Variants in RNASET2 observed in about 807,000 individuals in gnomAD.
RNASET2 encodes ribonuclease T2.
RNASET2 carries 28 observed loss-of-function variants against 33.9 expected under a neutral mutation model. The ratio of observed to expected loss-of-function variants is 0.83; its 90% confidence interval spans 0.61 to 1.13. The LOEUF is 1.13. Ranked by LOEUF, RNASET2 falls within the 50% of genes most tolerant of loss-of-function variation. The pLI is 0.00. For missense variants in RNASET2, 330 were observed against 319.9 expected (o/e 1.03, Z -0.24); for synonymous variants, 123 against 121.0 (o/e 1.02, Z -0.11).
intron 6 of RNASET2, 30 bp from the exon 7 acceptor site, chr6:166,934,166 T>C (rs1562494910): frequency 7.1e-7 from 1 of 1,417,708 alleles, no homozygotes; most frequent in South Asian, 1.1e-5. Context: ...AAGTTAGCTG[T>C]ATAATGAAGG....
At chr6:166,940,709 A>G (rs1427182497) in intron 5 of RNASET2, among the ~76,000 whole-genome samples, 3 of 152,176 alleles carry the variant, frequency 2.0e-5, no homozygotes, top group Non-Finnish European at 4.4e-5. Context: ...CATGGAGCTC[A>G]CAGCATTCAC....
chr6:166,933,902 A>G lies in RNASET2; in HGVS notation c.492+189T>C. 1.6e-6 allele frequency: 1 copy of G among 631,654 alleles called. No homozygotes were observed. The allele number at this position is 631,654 out of a possible 1,614,324, so 39.1% of individuals were successfully genotyped here. The stretch of plus-strand genomic sequence containing the variant: ...GTGCTTCCAAATCACTGGTCTAAGC[A>G]GCCTTCAGCTCCTACTCAACATGCG... On this transcript the variant is annotated intron_variant, in intron 7 of 8. Coordinates refer to ENST00000508775, the MANE Select transcript of RNASET2 (RefSeq NM_003730.6). The surrounding 1 kb of genome is among the most constrained non-coding windows in gnomAD (Gnocchi z 4.1).
chr6:166,952,218 C>T (rs985439429), intron 2 of RNASET2, among the ~76,000 whole-genome samples: 1 of 152,208 alleles, frequency 6.6e-6, no homozygotes, highest in Non-Finnish European at 1.5e-5. Flanking sequence ...CCCTTCTGAC[C>T]CCTAGGTTGA....
rs1778250092 is a variant in RNASET2 at position 166,922,521 on chromosome 6, C to T, written c.*7067G>A. On this transcript the variant is annotated 3_prime_UTR_variant, in exon 9 of 9. Coordinates refer to ENST00000508775, the MANE Select transcript of RNASET2 (RefSeq NM_003730.6). The stretch of plus-strand genomic sequence containing the variant: ...CTCCAATCAACCTGAATAGAGTCCA[C>T]TCAAATGTCTCTTCCCATGGCTGAG... Among the ~76,000 whole-genome samples, 1 of 152,218 alleles carries T rather than the reference C, an allele frequency of 6.6e-6. No homozygotes were observed. The highest frequency in any genetic ancestry group is 1.5e-5 in the Non-Finnish European group (1 of 68,036).
intron 4 of RNASET2, chr6:166,943,543 G>A (rs1033331341): frequency 1.0e-5 from 3 of 292,292 alleles, no homozygotes; most frequent in African/African-American, 6.9e-5. Flanking sequence ...GGGGGTTCAA[G>A]GGGAGGAAGA....
intron 4 of RNASET2, among the ~76,000 whole-genome samples, chr6:166,944,672 G>C (rs1008281322): frequency 6.6e-6 from 1 of 151,946 alleles, no homozygotes; most frequent in Non-Finnish European, 1.5e-5. Flanking sequence ...ACAGACCCAC[G>C]ACCCACCCAC....
At chr6:166,936,142 T>C (rs1187058273) in intron 6 of RNASET2, among the ~76,000 whole-genome samples, 1 of 152,224 alleles carries the variant, frequency 6.6e-6, no homozygotes, top group South Asian at 2.1e-4. Flanking sequence ...ACTAAGAATA[T>C]AATTTTCCTA....
intron 6 of RNASET2, among the ~76,000 whole-genome samples, chr6:166,935,628 G>A (rs1240201899): frequency 6.6e-6 from 1 of 152,158 alleles, no homozygotes; most frequent in Non-Finnish European, 1.5e-5. Context: ...GGTTTTTCAG[G>A]TTTGCTGCCT....
At chr6:166,953,408 A>G (rs1159220847) in intron 1 of RNASET2, 1 of 152,278 alleles carries the variant, frequency 6.6e-6, no homozygotes, top group South Asian at 2.1e-4. Context: ...ACAGGATATA[A>G]GTCAAGCAGA....
Position 166,943,151 on chromosome 6 carries a change from A to T in RNASET2, c.262-62T>A, listed in dbSNP as rs879098752. The T allele has an allele frequency of 3.9e-6, 5 of 1,266,270 alleles. No individual in the cohort carries two copies. In the South Asian group the frequency reaches 6.3e-5, roughly 16 times the overall value. 78.4% of individuals were successfully genotyped at this position (1,266,270 alleles called of 1,614,324 possible). ...CTTAATAATAAACTCAAAACCTAGA[A>T]GGTAAATTTGATAAACTGACACCAA... On this transcript the variant is annotated intron_variant, in intron 4 of 8. Coordinates refer to ENST00000508775, the MANE Select transcript of RNASET2 (RefSeq NM_003730.6).
chr6:166,955,323 ACACGCACG>A (rs1417803762), intron 1 of RNASET2, among the ~76,000 whole-genome samples: 4 of 70,218 alleles, frequency 5.7e-5, no homozygotes, highest in African/African-American at 1.4e-4. Flanking sequence ...ACACGCACAC[ACACGCACG>A]CACGCACACG....
chr6:166,948,661 T>A, intron 2 of RNASET2, 36 bp from the exon 3 acceptor site: 1 of 1,257,004 alleles, frequency 8.0e-7, no homozygotes, highest in Non-Finnish European at 1.2e-6. Flanking sequence ...TGATTGGCTC[T>A]TTGTTTATTC....
Position 166,955,179 on chromosome 6 carries a change from A to ACG in RNASET2, c.86+917_86+918insCG, listed in dbSNP as rs1554269938. The stretch of plus-strand genomic sequence containing the variant: ...CCTAATTAATTTGGGCGGCTGCCAC[A>ACG]CACACACACGCACACACGCACGCAC... On this transcript the variant is annotated intron_variant, in intron 1 of 8. Transcript: ENST00000508775. 7.6e-3 allele frequency among the ~76,000 whole-genome samples: 888 copies of ACG among 116,500 alleles called. 21 individuals are homozygous for ACG. Among genetic ancestry groups the ACG allele is most frequent in the African/African-American group, 0.033 (828 of 24,820 alleles). The allele number at this position is 116,500 out of a possible 152,430, so 76.4% of individuals were successfully genotyped here.
At chr6:166,937,362 C>T (rs1171222046) in intron 6 of RNASET2, among the ~76,000 whole-genome samples, 1 of 152,142 alleles carries the variant, frequency 6.6e-6, no homozygotes, top group African/African-American at 2.4e-5. Flanking sequence ...GTCTTGAACT[C>T]CTGACCTCTG....
At chr6:166,943,121 AGGTTCTTAATAAT>A (rs769355725) in intron 4 of RNASET2, 32 bp from the exon 5 acceptor site, 2 of 1,538,584 alleles carry the variant, frequency 1.3e-6, no homozygotes, top group Non-Finnish European at 1.8e-6. Context: ...AAGTCTACGC[AGGTTCTTAATAAT>A]AAACTCAAAA....
rs373504059 is a variant in RNASET2 at position 166,956,433 on chromosome 6, C to G, written c.-251G>C. 2.4e-5 allele frequency: 13 copies of G among 551,336 alleles called. No individual in the cohort carries two copies. The highest frequency in any genetic ancestry group is 6.2e-5 in the South Asian group (3 of 48,308). 34.2% of individuals were successfully genotyped at this position (551,336 alleles called of 1,614,324 possible). A position where few individuals can be genotyped will look rare whatever the true frequency, so the allele number is the denominator to read the frequency against. ...GCGACCCGGGCCCCTCGGAGCTCCC[C>G]TTCAGGATCGTGCACCAAGCGCGCA... On this transcript the variant is annotated 5_prime_UTR_variant, in exon 1 of 9. Transcript: ENST00000508775.
chr6:166,956,261 G>A lies in RNASET2; in HGVS notation c.-79C>T, dbSNP rs1397550732. On this transcript the variant is annotated 5_prime_UTR_variant, in exon 1 of 9. Transcript: ENST00000508775. ...CACCTGCTGCCCGAGGAAGACTTCCGGGAGAAACGCTGTCTCCGAGCCCCC... is the reference window on the plus strand; with the variant it reads ...CACCTGCTGCCCGAGGAAGACTTCCAGGAGAAACGCTGTCTCCGAGCCCCC... The A allele has an allele frequency of 3.0e-6, 4 of 1,335,436 alleles. No individual in the cohort carries two copies. The African/African-American group carries it at 5.8e-5, about 19-fold the overall frequency. 82.7% of individuals were successfully genotyped at this position (1,335,436 alleles called of 1,614,324 possible). A position where few individuals can be genotyped will look rare whatever the true frequency, so the allele number is the denominator to read the frequency against.
chr6:166,951,172 G>GGA (rs140120483), intron 2 of RNASET2, among the ~76,000 whole-genome samples: 6 of 152,098 alleles, frequency 3.9e-5, no homozygotes, highest in Non-Finnish European at 7.4e-5. Flanking sequence ...CAGCGGAGGC[G>GGA]GAGAGAGAGA....
intron 6 of RNASET2, among the ~76,000 whole-genome samples, chr6:166,937,245 T>A (rs1778590746): frequency 6.6e-6 from 1 of 152,194 alleles, no homozygotes; most frequent in Non-Finnish European, 1.5e-5. Context: ...CAAGCCATTC[T>A]CCTGCTTCAG....
Sources: gnomAD v4.1 joint callset for allele counts (sites outside exome capture counted in the v4.1 genomes callset) on GRCh38, gnomAD v4.1.1 for gene constraint, Gnocchi (gnomAD v3.1) non-coding constraint, MANE v1.5 for transcripts, NCBI Gene and HGNC (gene_info 2026-07-23, HGNC 2026-07-21) for gene names.